The following PSORS1C1 variants were observed in gnomAD, a reference collection of about 807,000 sequenced individuals.
PSORS1C1 encodes the protein psoriasis susceptibility 1 candidate gene 1 protein.
Under a neutral mutation model 9.4 loss-of-function variants are expected in PSORS1C1, and 7 were observed. The ratio of observed to expected loss-of-function variants is 0.75; its 90% CI spans 0.42 to 1.40. The LOEUF (loss-of-function observed/expected upper bound fraction) is 1.40. PSORS1C1 is among the 40% of genes most tolerant of loss of function. The pLI, the probability that PSORS1C1 is intolerant of heterozygous loss-of-function variation, is 0.01. For synonymous variants in PSORS1C1, 63 were observed against 69.4 expected, an observed-to-expected ratio of 0.91 and a Z score of 0.46; for missense variants, 146 against 178.1, an observed-to-expected ratio of 0.82 and a Z score of 1.02.
chr6:31,124,057 G>A (rs9263687), intron 1 of PSORS1C1, among the ~76,000 whole-genome samples: 8,018 of 152,320 alleles, frequency 0.053, 304 homozygotes, highest in South Asian at 0.12. Context: ...GGACAGTGGT[G>A]TGGGAGAAGG....
At chr6:31,122,880 G>A (rs1452361115) in intron 1 of PSORS1C1, among the ~76,000 whole-genome samples, 4 of 152,146 alleles carry the variant, frequency 2.6e-5, no homozygotes, top group African/African-American at 9.7e-5. Context: ...CAAGGAGGGA[G>A]GGGGCACTGG....
At chr6:31,137,725 T>G in intron 3 of PSORS1C1, 1 of 398,482 alleles carries the variant, frequency 2.5e-6, no homozygotes, top group Non-Finnish European at 4.4e-6. Flanking sequence ...AGAGTAGGCT[T>G]AGGCTGTCAG....
At chr6:31,116,421 G>T in intron 1 of PSORS1C1, 1 of 1,591,774 alleles carries the variant, frequency 6.3e-7, no homozygotes, top group African/African-American at 1.3e-5. Context: ...AACTGCTGGG[G>T]ACTCGAGAAC....
At chr6:31,116,518 G>T (rs759691656) in intron 1 of PSORS1C1, 29 of 1,612,936 alleles carry the variant, frequency 1.8e-5, no homozygotes, top group Non-Finnish European at 2.4e-5. Flanking sequence ...GAATGCAATG[G>T]CCGAGGAAGC....
chr6:31,117,580 C>T (rs1376464567), intron 1 of PSORS1C1: 1 of 1,465,348 alleles, frequency 6.8e-7, no homozygotes, highest in Non-Finnish European at 9.3e-7. Context: ...TGGCTTCCTC[C>T]CTCACCTTTC....
intron 3 of PSORS1C1, among the ~76,000 whole-genome samples, chr6:31,130,433 A>G (rs13196034): frequency 0.22 from 32,779 of 147,572 alleles, 4,108 homozygotes; most frequent in African/African-American, 0.35. Context: ...TTTTTTTGAG[A>G]TGGAGTCTCA....
At chr6:31,137,924 G>T in intron 3 of PSORS1C1, 1 of 1,239,336 alleles carries the variant, frequency 8.1e-7, no homozygotes, top group Non-Finnish European at 1.1e-6. Context: ...GGAGATGCCT[G>T]GGAACAGAAC....
At chr6:31,125,005 T>C (rs1156433123) in intron 1 of PSORS1C1, among the ~76,000 whole-genome samples, 3 of 150,948 alleles carry the variant, frequency 2.0e-5, no homozygotes, top group Non-Finnish European at 4.4e-5. Flanking sequence ...TGAAGGTTAC[T>C]GGCTCATGAG....
rs552634273 is a variant in PSORS1C1 at position 31,117,736 on chromosome 6, G to T, written c.-229+2845G>T. The T allele has an allele frequency of 5.3e-4, 320 of 598,582 alleles. 1 individual carries two copies. The African/African-American group carries it at 5.4e-3, about 10-fold the overall frequency. 37.1% of individuals were successfully genotyped at this position (598,582 alleles called of 1,614,324 possible). A position where few individuals can be genotyped will look rare whatever the true frequency, so the allele number is the denominator to read the frequency against. On this transcript the variant is annotated intron_variant, in intron 1 of 5. Coordinates refer to ENST00000259881, the MANE Select transcript of PSORS1C1 (RefSeq NM_014068.3). ...AAAGGCATTTCTTTGTTTGGGAAGG[G>T]TGGGCAAACACCAACCAGAAAAATA... is the stretch of plus-strand genomic sequence containing the variant.
At chr6:31,127,466 C>G (rs1405683295) in intron 2 of PSORS1C1, among the ~76,000 whole-genome samples, 1 of 152,086 alleles carries the variant, frequency 6.6e-6, no homozygotes, top group Non-Finnish European at 1.5e-5. Context: ...CAGAGACCGG[C>G]GCCGACTCCT....
At chr6:31,117,785 G>T in intron 1 of PSORS1C1, 1 of 534,628 alleles carries the variant, frequency 1.9e-6, no homozygotes, top group Non-Finnish European at 3.4e-6. Flanking sequence ...CAAAGTGAGT[G>T]GCCTCAAAGG....
intron 3 of PSORS1C1, among the ~76,000 whole-genome samples, chr6:31,133,208 G>A (rs529752696): frequency 6.6e-6 from 1 of 151,938 alleles, no homozygotes; most frequent in Non-Finnish European, 1.5e-5. Flanking sequence ...GCCCCACAAG[G>A]TTCATGGCCT....
intron 2 of PSORS1C1, among the ~76,000 whole-genome samples, chr6:31,127,810 GTC>G (rs1278855625): frequency 1.4e-5 from 2 of 147,198 alleles, no homozygotes; most frequent in Non-Finnish European, 3.0e-5. Context: ...GCGAAACTCT[GTC>G]TCAAAAAAAC....
intron 4 of PSORS1C1, 74 bp from the exon 5 acceptor site, chr6:31,138,582 C>A: frequency 6.2e-7 from 1 of 1,609,700 alleles, no homozygotes; most frequent in African/African-American, 1.3e-5. Context: ...CCATCCACCC[C>A]TGGTTGGGGT....
intron 3 of PSORS1C1, chr6:31,138,175 C>T: frequency 1.3e-6 from 2 of 1,587,396 alleles, no homozygotes; most frequent in Non-Finnish European, 1.7e-6. Context: ...GGCGGAGGAT[C>T]TTCAAAGAGA....
At chr6:31,138,117 C>T in intron 3 of PSORS1C1, 1 of 1,604,380 alleles carries the variant, frequency 6.2e-7, no homozygotes, top group Non-Finnish European at 8.5e-7. Flanking sequence ...TTCAGGGAGC[C>T]AGACTCCAGT....
At chr6:31,119,457 G>GT (rs1772346426) in intron 1 of PSORS1C1, among the ~76,000 whole-genome samples, 1 of 152,324 alleles carries the variant, frequency 6.6e-6, no homozygotes, top group Admixed American at 6.5e-5. Flanking sequence ...AGGTCCAGGG[G>GT]TTGCCCGGCC....
rs750713449 is a variant in PSORS1C1 at position 31,139,755 on chromosome 6, A to G, written c.282A>G (p.Pro94=). The change falls in exon 6 of 6, where the codon CCA becomes CCG. Residue 94 remains proline, a synonymous_variant. Transcript: ENST00000259881. This position sits in a 1 kb window ranked among gnomAD's most constrained non-coding sequence, Gnocchi z 5.2. ...ATATCCTGGTTCCCTCTTCCCACCC[A>G]GAGCTGTTTGCATCAGTCCTGCCAA... ...QEDILVPSSH[P]ELFASVLPMA... 1.2e-6 allele frequency: 2 copies of G among 1,613,114 alleles called. No homozygotes were observed. The highest frequency in any genetic ancestry group is 3.3e-5 in the Admixed American group (2 of 60,024).
At position 31,127,176 on chromosome 6, in the gene PSORS1C1, G is replaced by A. The variant is rs117730294; in HGVS notation, c.-65+1337G>A. Among the ~76,000 whole-genome samples, 545 of 152,282 alleles carry A rather than the reference G, an allele frequency of 3.6e-3. 12 individuals are homozygous for A. The East Asian group carries it at 0.058, about 16-fold the overall frequency. ...ACGTGCTCTCGGGAGAGGAGAGGCC[G>A]GAAAGACTTGTACCAGGAGGGACTT... On this transcript the variant is annotated intron_variant, in intron 2 of 5. Transcript: ENST00000259881.
Sources: gnomAD v4.1 joint callset for allele counts (sites outside exome capture counted in the v4.1 genomes callset) on GRCh38, gnomAD v4.1.1 for gene constraint, Gnocchi (gnomAD v3.1) non-coding constraint, MANE v1.5 for transcripts, NCBI Gene and HGNC (gene_info 2026-07-23, HGNC 2026-07-21) for gene names.